PI4KB: variants seen among roughly 807,000 people sequenced by gnomAD.
PI4KB encodes the protein PtdIns 4-kinase beta.
In PI4KB, 23 loss-of-function variants were observed where a neutral mutation model predicts 81.4. That is an observed-to-expected ratio of 0.28 (90% CI 0.20 to 0.40). The LOEUF is 0.40. PI4KB is among the 10% of genes least tolerant of loss of function. PI4KB has a pLI of 1.00. For synonymous variants in PI4KB, 381 were observed against 406.8 expected, an observed-to-expected ratio of 0.94 and a Z score of 0.76; for missense variants, 651 against 1,036.6, an observed-to-expected ratio of 0.63 and a Z score of 5.11.
intron 6 of PI4KB, among the ~76,000 whole-genome samples, chr1:151,302,893 A>AT (rs1488166105): frequency 1.4e-5 from 2 of 146,976 alleles, no homozygotes; most frequent in Non-Finnish European, 3.0e-5. Flanking sequence ...TAGAATCTGC[A>AT]TTTTCAACAA....
chr1:151,304,343 G>GTTTT (rs587741967), intron 5 of PI4KB, among the ~76,000 whole-genome samples: 6 of 135,238 alleles, frequency 4.4e-5, no homozygotes, highest in Admixed American at 1.5e-4. Flanking sequence ...CTGGCTGTGT[G>GTTTT]TTTTTTTTTT....
At chr1:151,294,563 G>A in intron 9 of PI4KB, 22 bp from the exon 10 acceptor site, 1 of 1,613,370 alleles carries the variant, frequency 6.2e-7, no homozygotes, top group Non-Finnish European at 8.5e-7. Flanking sequence ...GAATAGAGGA[G>A]AGGAAGAGGC....
chr1:151,302,008 G>A, intron 7 of PI4KB, 41 bp from the exon 8 acceptor site: 2 of 1,611,938 alleles, frequency 1.2e-6, no homozygotes, highest in South Asian at 2.2e-5. Flanking sequence ...GTTGATGCCA[G>A]GGTGAGGACA....
At chr1:151,304,588 G>A (rs2101947905) in intron 5 of PI4KB, among the ~76,000 whole-genome samples, 1 of 151,932 alleles carries the variant, frequency 6.6e-6, no homozygotes. Flanking sequence ...CAGGTGATCT[G>A]CCCACCTCAG....
chr1:151,303,698 C>T (rs587716178), intron 5 of PI4KB, 48 bp from the exon 6 acceptor site: 30 of 1,172,552 alleles, frequency 2.6e-5, no homozygotes, highest in South Asian at 2.4e-4. Flanking sequence ...ATAGGTCTCC[C>T]GTCTTTCCCC....
chr1:151,301,702 T>A (rs1055054190), intron 8 of PI4KB, 142 bp downstream of exon 8: 17 of 681,060 alleles, frequency 2.5e-5, no homozygotes, highest in Non-Finnish European at 3.6e-5. Context: ...CGGCCATAAT[T>A]TTTGTATTTT....
At chr1:151,313,047 G>A (rs1353599454) in intron 2 of PI4KB, among the ~76,000 whole-genome samples, 1 of 151,296 alleles carries the variant, frequency 6.6e-6, no homozygotes, top group African/African-American at 2.5e-5. Flanking sequence ...CAGACAGACG[G>A]GTGGGCGGAA....
chr1:151,294,637 A>T, intron 9 of PI4KB, 96 bp from the exon 10 acceptor site: 1 of 1,196,132 alleles, frequency 8.4e-7, no homozygotes, highest in South Asian at 1.3e-5. Context: ...GACACCAGGG[A>T]GGGGGGTCCC....
intron 11 of PI4KB, 91 bp downstream of exon 11, chr1:151,293,927 G>GTCTCGTGGGATCAGCTTTCTTATGCTCCA: frequency 6.9e-7 from 1 of 1,448,214 alleles, no homozygotes; most frequent in Admixed American, 1.9e-5. Flanking sequence ...CCTCAACCGA[G>GTCTCGTGGGATCAGCTTTCTTATGCTCCA]TCTCGTGGGA....
chr1:151,313,427 G>T (rs1317771760), intron 2 of PI4KB, among the ~76,000 whole-genome samples: 5 of 152,138 alleles, frequency 3.3e-5, no homozygotes, highest in Non-Finnish European at 5.9e-5. Flanking sequence ...AGGAAAGAGG[G>T]ACCAAGGATC....
chr1:151,310,306 G>A, intron 2 of PI4KB, 51 bp from the exon 3 acceptor site: 1 of 1,065,390 alleles, frequency 9.4e-7, no homozygotes. Flanking sequence ...GGAAGGGAGG[G>A]GAGAGAGACA....
intron 1 of PI4KB, chr1:151,324,883 G>A: frequency 1.0e-6 from 1 of 985,232 alleles, no homozygotes; most frequent in Non-Finnish European, 1.2e-6. Flanking sequence ...TGCTTTGGAT[G>A]GTGTTCAGCA....
intron 2 of PI4KB, among the ~76,000 whole-genome samples, chr1:151,312,382 T>A (rs1647256570): frequency 6.6e-6 from 1 of 152,232 alleles, no homozygotes; most frequent in South Asian, 2.1e-4. Context: ...GAGATTCTCC[T>A]AGAGTATCTC....
At chr1:151,299,243 T>C (rs1571145754) in intron 8 of PI4KB, among the ~76,000 whole-genome samples, 170 bp from the exon 9 acceptor site, 2 of 151,846 alleles carry the variant, frequency 1.3e-5, no homozygotes, top group Admixed American at 1.3e-4. Flanking sequence ...GGAAAGGAAG[T>C]CTAGGGCCTG....
At chr1:151,326,487 T>A (rs1279106831) in intron 1 of PI4KB, 4 of 377,770 alleles carry the variant, frequency 1.1e-5, no homozygotes, top group Non-Finnish European at 1.9e-5. Context: ...TCGAGGGAGG[T>A]GTCAAAGTTG....
rs986175977 is a variant in PI4KB, at chr1:151,327,321, G to A, written c.-79C>T. 1 of 395,554 alleles carries A rather than the reference G, an allele frequency of 2.5e-6. No homozygotes were observed. Among genetic ancestry groups the A allele is most frequent in the Non-Finnish European group, 4.4e-6 (1 of 225,322 alleles). 24.5% of individuals were successfully genotyped at this position (395,554 alleles called of 1,614,324 possible). A position where few individuals can be genotyped will look rare whatever the true frequency, so the allele number is the denominator to read the frequency against. The stretch of plus-strand genomic sequence containing the variant: ...TGCGGGCAGTCGCGGTTGGACTGCC[G>A]ACACTGCCGCCTCAGCAGCAGCGAC... On this transcript the variant is annotated 5_prime_UTR_variant, in exon 1 of 12. Transcript: ENST00000368873.
rs746335653 is a variant in PI4KB at position 151,315,914 on chromosome 1, C to T, written c.568G>A (p.Val190Met). 2 of 1,613,824 alleles carry T rather than the reference C, an allele frequency of 1.2e-6. No homozygotes were observed. Among genetic ancestry groups the T allele is most frequent in the South Asian group, 1.1e-5 (1 of 91,052 alleles). ...ATGTAGGGCTTAATGGCATCACCCACGTCCTCATCCATGTGGATGTACATG... is the reference window on the plus strand; with the variant it reads ...ATGTAGGGCTTAATGGCATCACCCATGTCCTCATCCATGTGGATGTACATG... Reference protein sequence around the residue: ...LNMYIHMDEDVGDAIKPYIVH... With the variant: ...LNMYIHMDEDMGDAIKPYIVH... The change falls in exon 2 of 12, where the codon GTG becomes ATG. Residue 190 changes from valine to methionine, a missense_variant. Transcript: ENST00000368873.
Position 151,292,620 on chromosome 1 carries a change from G to A in PI4KB, c.*232C>T. ...CTGGAGTCAGTCTGGTGGTAATACTGACACAGACCAGGAGGGGCAGGGAAG... is the reference window on the plus strand; with the variant it reads ...CTGGAGTCAGTCTGGTGGTAATACTAACACAGACCAGGAGGGGCAGGGAAG... On this transcript the variant is annotated 3_prime_UTR_variant, in exon 12 of 12. Transcript: ENST00000368873. The A allele has an allele frequency of 1.8e-6, 1 of 557,296 alleles. No homozygotes were observed. Among genetic ancestry groups the A allele is most frequent in the South Asian group, 2.1e-5 (1 of 47,062 alleles). 34.5% of individuals were successfully genotyped at this position (557,296 alleles called of 1,614,324 possible). A position where few individuals can be genotyped will look rare whatever the true frequency, so the allele number is the denominator to read the frequency against.
rs781037947 is a variant in PI4KB, at chr1:151,314,972, GTTTA to G, written c.909+597_909+600del. Reference sequence around the variant, plus strand: ...CATAGTAGATGTTAATGGAATGGCAGTTTATTTATTTATTTATTTATTTAGAGAC... The same window carrying G: ...CATAGTAGATGTTAATGGAATGGCAGTTTATTTATTTATTTATTTAGAGAC... On this transcript the variant is annotated intron_variant, in intron 2 of 11. Transcript: ENST00000368873. 8.5e-5 allele frequency among the ~76,000 whole-genome samples: 13 copies of G among 152,174 alleles called. No homozygotes were observed. In the South Asian group the frequency reaches 1.0e-3, roughly 12 times the overall value.
Sources: allele counts gnomAD v4.1 joint callset (sites outside exome capture counted in the v4.1 genomes callset), GRCh38; gene constraint gnomAD v4.1.1; transcripts MANE v1.5; gene names NCBI Gene and HGNC (gene_info 2026-07-23, HGNC 2026-07-21).